CDH7: variants seen among roughly 807,000 people sequenced by gnomAD.
CDH7 encodes cadherin-7.
A neutral mutation model predicts 71.8 loss-of-function variants in CDH7; 25 were observed. That is an observed-to-expected ratio of 0.35 (90% confidence interval 0.25 to 0.49). CDH7 has a LOEUF of 0.49. Among genes scored for constraint, CDH7 ranks in the 20% least tolerant of loss-of-function variants. CDH7 has a pLI of 0.99. For synonymous variants in CDH7, 381 were observed against 363.8 expected (o/e 1.05, Z -0.54); for missense variants, 862 against 974.6 (o/e 0.88, Z 1.54).
At chr18:65,755,080 A>C (rs1490822180) in intron 1 of CDH7, among the ~76,000 whole-genome samples, 1 of 152,224 alleles carries the variant, frequency 6.6e-6, no homozygotes, top group Non-Finnish European at 1.5e-5. Context: ...TCGTATAAAA[A>C]TTTAAGTACA....
At chr18:65,757,066 A>G (rs897930419) in intron 1 of CDH7, among the ~76,000 whole-genome samples, 36 of 151,588 alleles carry the variant, frequency 2.4e-4, no homozygotes, top group Admixed American at 6.6e-4. Flanking sequence ...TTTGCATGAA[A>G]GGACCTTTAG....
At chr18:65,855,023 A>G (rs1458796156) in intron 7 of CDH7, among the ~76,000 whole-genome samples, 2 of 151,906 alleles carry the variant, frequency 1.3e-5, no homozygotes, top group Admixed American at 6.6e-5. Context: ...TCTCACGGTA[A>G]ATGCAGCTAT....
chr18:65,776,268 G>A (rs1026076704), intron 2 of CDH7, among the ~76,000 whole-genome samples: 3 of 151,474 alleles, frequency 2.0e-5, no homozygotes, highest in African/African-American at 7.3e-5. Context: ...CCAGGATTTG[G>A]CTGCTGTTTT....
intron 2 of CDH7, among the ~76,000 whole-genome samples, chr18:65,775,794 G>A: frequency 6.6e-6 from 1 of 152,158 alleles, no homozygotes. Context: ...AAACAAGGAA[G>A]AACTCAAGCA....
At chr18:65,790,611 G>A (rs974915172) in intron 2 of CDH7, among the ~76,000 whole-genome samples, 7 of 152,146 alleles carry the variant, frequency 4.6e-5, no homozygotes, top group Non-Finnish European at 4.4e-5. Flanking sequence ...CTGATTGCCT[G>A]CAATCTCAGC....
At chr18:65,811,013 G>A (rs1911514594) in intron 3 of CDH7, among the ~76,000 whole-genome samples, 1 of 152,024 alleles carries the variant, frequency 6.6e-6, no homozygotes, top group African/African-American at 2.4e-5. Context: ...TTTACAGCAA[G>A]TATGTAATTT....
At position 65,762,848 on chromosome 18, in the gene CDH7, G is replaced by A. The variant is rs114985920; in HGVS notation, c.6G>A (p.Lys2=). 5.4e-4 allele frequency: 860 copies of A among 1,605,906 alleles called. 5 individuals are homozygous for A. In the African/African-American group the frequency reaches 9.8e-3, roughly 18 times the overall value. The part of the protein sequence containing the change: M[K]LGKVEFCHFL... ...AAAAGAAAGAAAAAAAAAAGATGAA[G>A]TTGGGCAAAGTGGAGTTCTGCCATT... is the stretch of plus-strand genomic sequence containing the variant. The change falls in exon 2 of 12, where the codon AAG becomes AAA. Residue 2 remains lysine (K), a synonymous_variant. Transcript: ENST00000397968.
At chr18:65,763,199 G>A (rs1249971673) in intron 2 of CDH7, 147 bp downstream of exon 2, 3 of 478,472 alleles carry the variant, frequency 6.3e-6, no homozygotes, top group Admixed American at 7.9e-5. Context: ...GTTTATGAAG[G>A]TTTTTGGCGA....
intron 11 of CDH7, among the ~76,000 whole-genome samples, chr18:65,875,941 A>G (rs186380442): frequency 6.6e-6 from 1 of 152,338 alleles, no homozygotes. Context: ...AAAAATAAAA[A>G]TAAAACTGAC....
Position 65,882,486 on chromosome 18 carries a change from CA to C in CDH7, c.*1593del, listed in dbSNP as rs1163173068. ...CTAAAAGTGCTTTTTGAAAGGTAGA[CA>C]GTGGAATTAGAATATTAATATGTTG... is the stretch of plus-strand genomic sequence containing the variant. On this transcript the variant is annotated 3_prime_UTR_variant, in exon 12 of 12. Transcript: ENST00000397968. The C allele has an allele frequency of 1.3e-5, 2 of 151,968 alleles. No homozygotes were observed. The highest frequency in any genetic ancestry group is 2.9e-5 in the Non-Finnish European group (2 of 67,940). The allele number at this position is 151,968 out of a possible 1,614,324, so 9.4% of individuals were successfully genotyped here. A position where few individuals can be genotyped will look rare whatever the true frequency, so the allele number is the denominator to read the frequency against.
chr18:65,821,847 T>C (rs1331295436), intron 4 of CDH7, among the ~76,000 whole-genome samples: 2 of 152,160 alleles, frequency 1.3e-5, no homozygotes, highest in East Asian at 1.9e-4. Context: ...AACCTAAAGA[T>C]AATCCTCTTT....
At chr18:65,785,636 A>G (rs1011697527) in intron 2 of CDH7, among the ~76,000 whole-genome samples, 1 of 152,108 alleles carries the variant, frequency 6.6e-6, no homozygotes, top group African/African-American at 2.4e-5. Context: ...ACAATGAAAA[A>G]ATATCTAATG....
chr18:65,835,078 G>A (rs576103248), intron 6 of CDH7, among the ~76,000 whole-genome samples: 1 of 152,234 alleles, frequency 6.6e-6, no homozygotes, highest in East Asian at 1.9e-4. Context: ...GAGGTGGCTG[G>A]CTGTCTGCCT....
intron 6 of CDH7, among the ~76,000 whole-genome samples, chr18:65,841,866 A>G (rs8096532): frequency 0.017 from 2,609 of 152,222 alleles, 73 homozygotes; most frequent in African/African-American, 0.061. Context: ...CCACCGTTGG[A>G]CAAGACCGAC....
chr18:65,824,600 T>A (rs374847745), intron 5 of CDH7, 44 bp from the exon 6 acceptor site: 18 of 1,289,924 alleles, frequency 1.4e-5, no homozygotes, highest in Non-Finnish European at 1.8e-5. Context: ...TTTTTATTGG[T>A]TAGTTTGGTG....
chr18:65,813,441 A>AAT (rs1199910575), intron 3 of CDH7, among the ~76,000 whole-genome samples: 1 of 152,216 alleles, frequency 6.6e-6, no homozygotes, highest in Non-Finnish European at 1.5e-5. Context: ...TTGGCAATGA[A>AAT]ATATATATAG....
rs961322433 is a variant in CDH7 at position 65,887,358 on chromosome 18, G to C, written c.*6464G>C. On this transcript the variant is annotated 3_prime_UTR_variant, in exon 12 of 12. Coordinates refer to ENST00000397968, the MANE Select transcript of CDH7 (RefSeq NM_004361.5). ...GTATACATGTGCCATGCTGGTGTGC[G>C]GCACCCATTAACTCGTCATTTAGCA... 1 of 151,604 alleles carries C rather than the reference G, an allele frequency of 6.6e-6. No individual in the cohort carries two copies. The highest frequency in any genetic ancestry group is 1.5e-5 in the Non-Finnish European group (1 of 67,908). The allele number at this position is 151,604 out of a possible 1,614,324, so 9.4% of individuals were successfully genotyped here.
At chr18:65,771,810 C>G (rs1024638453) in intron 2 of CDH7, among the ~76,000 whole-genome samples, 1 of 151,828 alleles carries the variant, frequency 6.6e-6, no homozygotes, top group Non-Finnish European at 1.5e-5. Context: ...GCCATGCAAA[C>G]GAAAAAAAAG....
chr18:65,852,249 T>C (rs1463531892), intron 7 of CDH7, among the ~76,000 whole-genome samples: 1 of 152,134 alleles, frequency 6.6e-6, no homozygotes, highest in African/African-American at 2.4e-5. Context: ...CTGGCTCAAA[T>C]AGTCATGATT....
Sources: allele counts gnomAD v4.1 joint callset (sites outside exome capture counted in the v4.1 genomes callset), GRCh38; gene constraint gnomAD v4.1.1; transcripts MANE v1.5; gene names NCBI Gene and HGNC (gene_info 2026-07-23, HGNC 2026-07-21).